PGC: variants seen among roughly 807,000 people sequenced by gnomAD.
The protein encoded by PGC is gastricsin.
PGC carries 31 observed loss-of-function variants against 45.9 expected under a neutral mutation model. The observed-to-expected ratio is 0.67, with a 90% CI of 0.51 to 0.91. The LOEUF (loss-of-function observed/expected upper bound fraction) is 0.91. PGC is among the 40% of genes least tolerant of loss of function. PGC has a pLI of 0.00. For missense variants in PGC, 477 were observed against 493.2 expected (o/e 0.97, Z 0.31); for synonymous variants, 192 against 201.8 (o/e 0.95, Z 0.41).
intron 5 of PGC, chr6:41,741,133 AG>A: frequency 1.3e-6 from 2 of 1,536,854 alleles, no homozygotes; most frequent in Non-Finnish European, 1.7e-6. Context: ...CTGAGATTGG[AG>A]ACAGGTAGGG....
At chr6:41,747,087 C>T (rs528646674) in intron 1 of PGC, among the ~76,000 whole-genome samples, 189 bp downstream of exon 1, 1 of 152,200 alleles carries the variant, frequency 6.6e-6, no homozygotes, top group Non-Finnish European at 1.5e-5. Context: ...TAGGAAGTTT[C>T]CTGAAGGCAG....
chr6:41,738,225 TGC>T (rs34810779), intron 7 of PGC, among the ~76,000 whole-genome samples: 199 of 19,118 alleles, frequency 0.01, 11 homozygotes, highest in Non-Finnish European at 0.018. Context: ...CATATATATA[TGC>T]ATATATATAT....
At chr6:41,743,180 A>G (rs1771863393) in intron 4 of PGC, 91 bp downstream of exon 4, 1 of 815,572 alleles carries the variant, frequency 1.2e-6, no homozygotes, top group Admixed American at 1.8e-5. Flanking sequence ...CCAGAACACT[A>G]GCATTCCACC....
At chr6:41,741,516 C>T (rs1771823289) in intron 5 of PGC, among the ~76,000 whole-genome samples, 1 of 152,164 alleles carries the variant, frequency 6.6e-6, no homozygotes, top group East Asian at 1.9e-4. Flanking sequence ...CACAGTGGCG[C>T]ATGCCTGTAA....
At chr6:41,741,484 A>G (rs891249908) in intron 5 of PGC, among the ~76,000 whole-genome samples, 5 of 152,202 alleles carry the variant, frequency 3.3e-5, no homozygotes, top group Admixed American at 3.3e-4. Flanking sequence ...CGTCTCTACT[A>G]AAAACACAAA....
At chr6:41,738,199 T>TAC (rs1771741332) in intron 7 of PGC, among the ~76,000 whole-genome samples, 2 of 53,030 alleles carry the variant, frequency 3.8e-5, no homozygotes, top group African/African-American at 1.1e-4. Flanking sequence ...TGCATATATA[T>TAC]ATGCATATAT....
rs371599040 is a variant in PGC, at chr6:41,740,595, G to T, written c.663C>A (p.Ser221Arg). Residue 221 changes from serine to arginine, a missense_variant, in exon 6 of 9, where the codon AGC (serine) becomes AGA (arginine). Ser to Arg is a moderately radical substitution (Grantham distance 110). Transcript: ENST00000373025. Reference protein sequence around the residue: ...SVYLSNQQGSSGGAVVFGGVD... With the variant: ...SVYLSNQQGSRGGAVVFGGVD... Reference sequence around the variant, plus strand: ...CACCCCCAAAGACAACCGCTCCCCCGCTGGAGCCCTGCTGGCTGCAGGAGA... The same window carrying T: ...CACCCCCAAAGACAACCGCTCCCCCTCTGGAGCCCTGCTGGCTGCAGGAGA... 3.8e-5 allele frequency: 60 copies of T among 1,599,816 alleles called. No individual in the cohort carries two copies. The highest frequency in any genetic ancestry group is 3.3e-4 in the Middle Eastern group (2 of 5,982).
chr6:41,738,155 T>TGC (rs1307292218), intron 7 of PGC, among the ~76,000 whole-genome samples: 66 of 32,990 alleles, frequency 2.0e-3, no homozygotes, highest in South Asian at 6.3e-3. Flanking sequence ...CATATATATA[T>TGC]ACATATATAT....
At chr6:41,738,924 C>T (rs893504681) in intron 7 of PGC, among the ~76,000 whole-genome samples, 3 of 152,034 alleles carry the variant, frequency 2.0e-5, no homozygotes, top group African/African-American at 7.3e-5. Context: ...CACGCCATTG[C>T]ACTCCAGCCT....
chr6:41,738,165 TGCATATATATATAC>T (rs1771732928), intron 7 of PGC, among the ~76,000 whole-genome samples: 1 of 73,306 alleles, frequency 1.4e-5, no homozygotes, highest in African/African-American at 6.0e-5. Context: ...TACATATATA[TGCATATATATATAC>T]ATATATATAT....
At chr6:41,740,463 C>T (rs1203355451) in intron 6 of PGC, 28 bp downstream of exon 6, 6 of 1,587,852 alleles carry the variant, frequency 3.8e-6, no homozygotes, top group Non-Finnish European at 5.1e-6. Context: ...GGAAGTGCCA[C>T]ATCCCCAGGG....
chr6:41,741,112 T>C (rs1771815643), intron 5 of PGC: 1 of 1,537,142 alleles, frequency 6.5e-7, no homozygotes, highest in African/African-American at 1.4e-5. Context: ...GCCCAGCTTG[T>C]TACTTTTCTG....
At chr6:41,741,035 A>G (rs776785265) in intron 5 of PGC, 57 of 1,536,756 alleles carry the variant, frequency 3.7e-5, no homozygotes, top group Non-Finnish European at 4.6e-5. Flanking sequence ...CCCCCAGCCC[A>G]CACTCTGCTC....
intron 7 of PGC, among the ~76,000 whole-genome samples, chr6:41,738,125 TATATATGCATA>T (rs1771723480): frequency 7.5e-6 from 1 of 134,040 alleles, no homozygotes; most frequent in African/African-American, 3.0e-5. Context: ...CCTATATACA[TATATATGCATA>T]TATATATGCA....
intron 4 of PGC, 105 bp downstream of exon 4, chr6:41,743,166 C>CA: frequency 2.6e-6 from 2 of 772,074 alleles, no homozygotes; most frequent in Non-Finnish European, 4.7e-6. Context: ...TCCTGTCCTG[C>CA]ACACCAGAAC....
At position 41,744,635 on chromosome 6, in the gene PGC, C is replaced by T. The variant is rs373178534; in HGVS notation, c.210+23G>A. On this transcript the variant is annotated intron_variant, in intron 2 of 8. Coordinates refer to ENST00000373025, the MANE Select transcript of PGC (RefSeq NM_002630.4). The surrounding 1 kb of genome is among the most constrained non-coding windows in gnomAD (Gnocchi z 4.4). ...CAGCCCACACCAGAGAGAAGGCTAC[C>T]GCCAGAAAGGGTCAGGACTCACATC... 91 of 1,612,960 alleles carry T rather than the reference C, an allele frequency of 5.6e-5. No individual in the cohort carries two copies. The African/African-American group carries it at 8.8e-4, about 16-fold the overall frequency.
At chr6:41,742,043 C>A (rs141940625) in intron 5 of PGC, among the ~76,000 whole-genome samples, 4 of 152,144 alleles carry the variant, frequency 2.6e-5, no homozygotes, top group Admixed American at 2.0e-4. Flanking sequence ...TTCATTCCAT[C>A]GTGGCCATGG....
At position 41,743,358 on chromosome 6, in the gene PGC, C is replaced by T. The variant is rs748730402; in HGVS notation, c.360G>A (p.Ser120=). 30 of 1,613,784 alleles carry T rather than the reference C, an allele frequency of 1.9e-5. No homozygotes were observed. In the Admixed American group the frequency reaches 2.0e-4, roughly 11 times the overall value. ...TCTGCCCATTGGTGGAGTAGGTGGA[C>T]GACTCGCTGGGGTTGAAGCGGGAGT... The part of the protein sequence containing the change: ...TSHSRFNPSE[S]STYSTNGQTF... Residue 120 remains serine (S), a synonymous_variant, in exon 4 of 9, where the codon TCG becomes TCA. Coordinates refer to ENST00000373025, the MANE Select transcript of PGC (RefSeq NM_002630.4).
chr6:41,741,702 C>A, intron 5 of PGC: 2 of 807,418 alleles, frequency 2.5e-6, no homozygotes, highest in Non-Finnish European at 4.0e-6. Flanking sequence ...TGAAGAAGAA[C>A]AAAGAAAAGC....
Sources: allele counts gnomAD v4.1 joint callset (sites outside exome capture counted in the v4.1 genomes callset), GRCh38; gene constraint gnomAD v4.1.1; non-coding constraint Gnocchi (gnomAD v3.1); transcripts MANE v1.5; gene names NCBI Gene and HGNC (gene_info 2026-07-23, HGNC 2026-07-21).